The following USP8 variants were observed in gnomAD, a reference collection of about 807,000 sequenced individuals.
USP8 encodes the protein ubiquitin carboxyl-terminal hydrolase 8.
A neutral mutation model predicts 130.0 loss-of-function variants in USP8; 27 were observed. The observed-to-expected ratio is 0.21, with a 90% CI of 0.15 to 0.29. The LOEUF is 0.29. Among genes scored for constraint, USP8 ranks in the 10% least tolerant of loss-of-function variants. The probability of loss-of-function intolerance (pLI) is 1.00; values close to 1 mark genes in which losing one functional copy is unlikely to be tolerated. For missense variants in USP8, 1,029 were observed against 1,312.2 expected, an observed-to-expected ratio of 0.78 and a Z score of 3.33; for synonymous variants, 392 against 444.1, an observed-to-expected ratio of 0.88 and a Z score of 1.48.
chr15:50,433,497 T>G (rs761385564), intron 1 of USP8, among the ~76,000 whole-genome samples: 1 of 152,240 alleles, frequency 6.6e-6, no homozygotes, highest in Non-Finnish European at 1.5e-5. Context: ...ACTGCAAACC[T>G]CATTTTTCAC....
chr15:50,459,824 A>G (rs1164720855), intron 5 of USP8, among the ~76,000 whole-genome samples: 3 of 152,124 alleles, frequency 2.0e-5, no homozygotes, highest in Admixed American at 6.6e-5. Context: ...TTCCCAAATT[A>G]TAGTCTTGAA....
chr15:50,489,821 A>G lies in USP8; in HGVS notation c.1911A>G (p.Thr637=). ...ERNKAQREPL[T]RARSEEMGRI... Reference sequence around the variant, plus strand: ...ATTAGGCTCAACGAGAACCTTTGACAAGAGCACGAAGTGAAGAAATGGGGA... The same window carrying G: ...ATTAGGCTCAACGAGAACCTTTGACGAGAGCACGAAGTGAAGAAATGGGGA... Residue 637 remains threonine, a synonymous_variant, in exon 13 of 20, where the codon ACA becomes ACG. Transcript: ENST00000307179. 1.9e-6 allele frequency: 3 copies of G among 1,560,746 alleles called. No individual in the cohort carries two copies. The highest frequency in any genetic ancestry group is 2.6e-6 in the Non-Finnish European group (3 of 1,153,816).
chr15:50,456,671 A>T (rs2050802666), intron 4 of USP8, among the ~76,000 whole-genome samples: 1 of 152,156 alleles, frequency 6.6e-6, no homozygotes, highest in Non-Finnish European at 1.5e-5. Context: ...GGATCACTTT[A>T]GACCAGGAGT....
chr15:50,458,532 G>A (rs1344775823), intron 4 of USP8: 1 of 163,470 alleles, frequency 6.1e-6, no homozygotes, highest in Non-Finnish European at 1.3e-5. Context: ...CTGCCAACAA[G>A]TTGGAAATTT....
At chr15:50,432,031 C>G (rs1037842706) in intron 1 of USP8, among the ~76,000 whole-genome samples, 1 of 152,184 alleles carries the variant, frequency 6.6e-6, no homozygotes, top group Non-Finnish European at 1.5e-5. Flanking sequence ...ATCACATCAT[C>G]ATGAGCACTG....
chr15:50,489,136 G>C (rs898919164), intron 12 of USP8, among the ~76,000 whole-genome samples: 7 of 152,038 alleles, frequency 4.6e-5, no homozygotes, highest in Non-Finnish European at 8.8e-5. Context: ...ATTATATTGA[G>C]GTTGATGCCT....
rs188551872 is a variant in USP8, at chr15:50,501,992, G to A, written c.*2904G>A. The A allele has an allele frequency of 1.3e-5, 2 of 152,288 alleles. No individual in the cohort carries two copies. Among genetic ancestry groups the A allele is most frequent in the Admixed American group, 1.3e-4 (2 of 15,298 alleles). The allele number at this position is 152,288 out of a possible 1,614,324, so 9.4% of individuals were successfully genotyped here. A position where few individuals can be genotyped will look rare whatever the true frequency, so the allele number is the denominator to read the frequency against. On this transcript the variant is annotated 3_prime_UTR_variant, in exon 20 of 20. Transcript: ENST00000307179. The stretch of plus-strand genomic sequence containing the variant: ...GCTTTAATGATACAACAGTAAAACT[G>A]AATAGTTGCAGCCAATACCATATGG...
chr15:50,449,738 C>T (rs1177431969), intron 4 of USP8, among the ~76,000 whole-genome samples: 3 of 151,470 alleles, frequency 2.0e-5, no homozygotes, highest in Non-Finnish European at 2.9e-5. Context: ...CCCACCACCA[C>T]GCCCGGCTAA....
Position 50,490,130 on chromosome 15 carries a change from A to C in USP8, c.1972-133A>C, listed in dbSNP as rs148784134. On this transcript the variant is annotated intron_variant, in intron 13 of 19. Coordinates refer to ENST00000307179, the MANE Select transcript of USP8 (RefSeq NM_005154.5). ...ACTTTAAAACCTAAATTTCTTTTGA[A>C]GTTTATCGCCATTTTATTCGAATTA... 3 of 1,061,826 alleles carry C rather than the reference A, an allele frequency of 2.8e-6. No individual in the cohort carries two copies. The African/African-American group carries it at 4.8e-5, about 17-fold the overall frequency. 65.8% of individuals were successfully genotyped at this position (1,061,826 alleles called of 1,614,324 possible). A position where few individuals can be genotyped will look rare whatever the true frequency, so the allele number is the denominator to read the frequency against.
chr15:50,485,612 AC>A (rs1382492091), intron 12 of USP8, among the ~76,000 whole-genome samples: 1 of 124,880 alleles, frequency 8.0e-6, no homozygotes, highest in Admixed American at 1.1e-4. Flanking sequence ...AACCATTAAT[AC>A]AATCCAATTT....
chr15:50,467,281 G>A (rs2051225379), intron 7 of USP8, among the ~76,000 whole-genome samples: 1 of 152,154 alleles, frequency 6.6e-6, no homozygotes, highest in South Asian at 2.1e-4. Flanking sequence ...TTACATGGAA[G>A]TTTCCCAAAA....
chr15:50,513,439 C>T lies in USP8; in HGVS notation c.*14351C>T, dbSNP rs1596008116. 6.6e-6 allele frequency: 1 copy of T among 150,560 alleles called. No individual in the cohort carries two copies. Among genetic ancestry groups the T allele is most frequent in the Non-Finnish European group, 1.5e-5 (1 of 67,852 alleles). 9.3% of individuals were successfully genotyped at this position (150,560 alleles called of 1,614,324 possible). The stretch of plus-strand genomic sequence containing the variant: ...AGTATGCTTGGCGCGGTAGCTCACA[C>T]CTGTAATCCCAGCACTTTGGGAGGA... On this transcript the variant is annotated 3_prime_UTR_variant, in exon 20 of 20. Transcript: ENST00000307179.
chr15:50,490,438 C>T lies in USP8; in HGVS notation c.2147C>T (p.Ser716Phe), dbSNP rs753615462. 1.2e-6 allele frequency: 2 copies of T among 1,614,098 alleles called. No homozygotes were observed. The highest frequency in any genetic ancestry group is 1.1e-5 in the South Asian group (1 of 91,078). ...AGGGAACCTTCCAAACTGAAGCGCT[C>T]CTACTCCTCCCCAGATATAACCCAG... ...RDREPSKLKR[S>F]YSSPDITQAI... The change falls in exon 14 of 20, where the codon TCC becomes TTC. Residue 716 changes from serine (S) to phenylalanine (F), a missense_variant. Physicochemically the swap from Ser to Phe is radical, Grantham distance 155. Coordinates refer to ENST00000307179, the MANE Select transcript of USP8 (RefSeq NM_005154.5).
intron 7 of USP8, among the ~76,000 whole-genome samples, chr15:50,468,108 T>A (rs955208203): frequency 2.6e-5 from 4 of 151,748 alleles, no homozygotes; most frequent in East Asian, 1.9e-4. Context: ...GCTAATTTTT[T>A]AATTTTTACT....
rs1267409480 is a variant in USP8, at chr15:50,484,017, C to T, written c.1804-258C>T. Among the ~76,000 whole-genome samples, 5 of 151,608 alleles carry T rather than the reference C, an allele frequency of 3.3e-5. No homozygotes were observed. In the East Asian group the frequency reaches 9.6e-4, roughly 29 times the overall value. ...ATACATTAATGATCAGCATTTTATA[C>T]TTGGCCATGTAGTGTGAACCAGTGC... is the stretch of plus-strand genomic sequence containing the variant. On this transcript the variant is annotated intron_variant, in intron 11 of 19. Transcript: ENST00000307179.
intron 15 of USP8, 53 bp downstream of exon 15, chr15:50,492,966 A>G (rs2141321279): frequency 2.0e-6 from 3 of 1,495,764 alleles, no homozygotes; most frequent in Non-Finnish European, 2.8e-6. Context: ...TGATCTAACC[A>G]TATTTACTGT....
At chr15:50,484,845 A>C (rs1010291216) in intron 12 of USP8, among the ~76,000 whole-genome samples, 4 of 152,250 alleles carry the variant, frequency 2.6e-5, no homozygotes, top group African/African-American at 4.8e-5. Context: ...TACAACATGG[A>C]TGAATCTTGA....
At chr15:50,424,864 C>T (rs1244306250) in intron 1 of USP8, among the ~76,000 whole-genome samples, 1 of 151,410 alleles carries the variant, frequency 6.6e-6, no homozygotes, top group East Asian at 1.9e-4. Context: ...CAATCCCAGG[C>T]CTTACTGTAG....
chr15:50,472,597 GAA>G (rs572914472), intron 8 of USP8, among the ~76,000 whole-genome samples: 26 of 108,938 alleles, frequency 2.4e-4, no homozygotes, highest in African/African-American at 5.7e-4. Flanking sequence ...ACTCTGTCTG[GAA>G]AAAAAAAAAA....
Sources: gnomAD v4.1 joint callset for allele counts (sites outside exome capture counted in the v4.1 genomes callset) on GRCh38, gnomAD v4.1.1 for gene constraint, MANE v1.5 for transcripts, NCBI Gene and HGNC (gene_info 2026-07-23, HGNC 2026-07-21) for gene names.